Variants in ALMS1 observed in about 807,000 individuals in gnomAD.
ALMS1 encodes the protein centrosome-associated protein ALMS1.
ALMS1 carries 271 observed loss-of-function variants against 352.2 expected under a neutral mutation model. That is an observed-to-expected ratio of 0.77 (90% confidence interval 0.70 to 0.85). The LOEUF (loss-of-function observed/expected upper bound fraction) is 0.85, where lower values mean the gene tolerates loss of function less well. Ranked by LOEUF, ALMS1 falls within the 40% of genes least tolerant of loss-of-function variation. The pLI is 0.00. For synonymous variants in ALMS1, 1,865 were observed against 1,761.2 expected, an observed-to-expected ratio of 1.06 and a Z score of -1.48; for missense variants, 5,445 against 4,870.7, an observed-to-expected ratio of 1.12 and a Z score of -3.51.
rs1367036434 is a variant in ALMS1, at chr2:73,442,586, A to G, written c.1433-5374A>G. Among the ~76,000 whole-genome samples, 3 of 152,200 alleles carry G rather than the reference A, an allele frequency of 2.0e-5. No individual in the cohort carries two copies. The East Asian group carries it at 5.8e-4, about 29-fold the overall frequency. The stretch of plus-strand genomic sequence containing the variant: ...ATATACTTAACACTAATCTTGGCAT[A>G]TGATAAAGGCATGAAAGAGTCTCGA... On this transcript the variant is annotated intron_variant, in intron 7 of 22. Coordinates refer to ENST00000613296, the MANE Select transcript of ALMS1 (RefSeq NM_001378454.1).
At chr2:73,471,046 C>T (rs1191175915) in intron 9 of ALMS1, 1 of 151,750 alleles carries the variant, frequency 6.6e-6, no homozygotes, top group Non-Finnish European at 1.5e-5. Context: ...AAAATTAATT[C>T]AGCCACTATA....
intron 7 of ALMS1, among the ~76,000 whole-genome samples, chr2:73,438,628 T>C (rs1287630231): frequency 6.6e-6 from 1 of 152,178 alleles, no homozygotes; most frequent in Non-Finnish European, 1.5e-5. Flanking sequence ...ATTAAAATTA[T>C]GCCGTAAGAG....
In ALMS1 at chr2:73,558,975, C is replaced by G. The variant is rs1279080725; in HGVS notation, c.10217C>G (p.Ser3406Cys). The G allele has an allele frequency of 2.5e-6, 4 of 1,613,826 alleles. No homozygotes were observed. The highest frequency in any genetic ancestry group is 1.3e-5 in the African/African-American group (1 of 74,886). Residue 3406 changes from serine to cysteine, a missense_variant, in exon 15 of 23, where the codon TCC becomes TGC. Transcript: ENST00000613296. ...KESLQKDTADSSAAAAAEHSA... is the reference protein window; with the variant it reads ...KESLQKDTADCSAAAAAEHSA... ...TGTGTTAATTTCCCTTTCGTAGATT[C>G]CAGTGCTGCTGCTGCTGCAGAGCAC...
At chr2:73,530,477 G>C (rs1293712014) in intron 11 of ALMS1, among the ~76,000 whole-genome samples, 1 of 152,218 alleles carries the variant, frequency 6.6e-6, no homozygotes, top group Non-Finnish European at 1.5e-5. Flanking sequence ...CACCCCTGAG[G>C]TTTTGCAGGG....
chr2:73,545,217 G>C (rs967006120), intron 12 of ALMS1, among the ~76,000 whole-genome samples: 1 of 124,602 alleles, frequency 8.0e-6, no homozygotes, highest in Non-Finnish European at 1.7e-5. Context: ...GTCTTGCTTT[G>C]TTACCCAGGC....
chr2:73,516,379 A>G (rs1673555654), intron 10 of ALMS1, among the ~76,000 whole-genome samples: 1 of 152,198 alleles, frequency 6.6e-6, no homozygotes, highest in African/African-American at 2.4e-5. Flanking sequence ...ACTGGGGAAA[A>G]CTGTGGAGAT....
At chr2:73,442,976 T>C (rs1671746501) in intron 7 of ALMS1, among the ~76,000 whole-genome samples, 2 of 152,212 alleles carry the variant, frequency 1.3e-5, no homozygotes, top group African/African-American at 2.4e-5. Context: ...TGTCTACTTA[T>C]TAGCCAAGCT....
intron 1 of ALMS1, among the ~76,000 whole-genome samples, chr2:73,399,697 A>G (rs1381555963): frequency 1.3e-5 from 2 of 152,080 alleles, no homozygotes; most frequent in Admixed American, 1.3e-4. Flanking sequence ...TCCAAATCAT[A>G]TCAGAGAGGG....
At chr2:73,508,195 T>TTTC (rs762539052) in intron 10 of ALMS1, among the ~76,000 whole-genome samples, 12 of 145,966 alleles carry the variant, frequency 8.2e-5, no homozygotes, top group African/African-American at 2.9e-4. Context: ...CCTGCCCTCC[T>TTTC]TTCTTCTTCT....
At chr2:73,534,275 A>C (rs930945033) in intron 11 of ALMS1, among the ~76,000 whole-genome samples, 6 of 152,144 alleles carry the variant, frequency 3.9e-5, no homozygotes, top group African/African-American at 1.4e-4. Flanking sequence ...TTTTCTTAAT[A>C]TTGAAAATTC....
intron 16 of ALMS1, among the ~76,000 whole-genome samples, chr2:73,587,293 G>C (rs1040105792): frequency 6.6e-6 from 1 of 152,088 alleles, no homozygotes; most frequent in African/African-American, 2.4e-5. Context: ...GATTGCTTTA[G>C]CTAGGACTTC....
At chr2:73,404,011 T>A (rs964159959) in intron 1 of ALMS1, among the ~76,000 whole-genome samples, 3 of 152,176 alleles carry the variant, frequency 2.0e-5, no homozygotes, top group Non-Finnish European at 4.4e-5. Context: ...GTGATTCTCC[T>A]GCCTCAGCTT....
chr2:73,408,684 A>G lies in ALMS1; in HGVS notation c.387A>G (p.Gln129=), dbSNP rs746391155. 8.1e-6 allele frequency: 13 copies of G among 1,613,614 alleles called. No individual in the cohort carries two copies. Among genetic ancestry groups the G allele is most frequent in the Non-Finnish European group, 1.0e-5 (12 of 1,179,818 alleles). ...QIVYQGNSRT[Q]ISDTNVVCLE... The stretch of plus-strand genomic sequence containing the variant: ...TATATCAAGGCAATAGTAGAACACA[A>G]ATTTCTGATACTAATGTGGTCTGTT... The change falls in exon 2 of 23, where the codon CAA becomes CAG. Residue 129 remains glutamine (Q), a synonymous_variant. Coordinates refer to ENST00000613296, the MANE Select transcript of ALMS1 (RefSeq NM_001378454.1).
intron 10 of ALMS1, among the ~76,000 whole-genome samples, chr2:73,503,047 A>G (rs7607014): frequency 0.32 from 48,065 of 152,016 alleles, 9,134 homozygotes; most frequent in African/African-American, 0.53. Flanking sequence ...CTAGTGCATT[A>G]CAGACATTAT....
At position 73,448,594 on chromosome 2, in the gene ALMS1, T is replaced by C. The variant is rs2103773444; in HGVS notation, c.2067T>C (p.Thr689=). 1 of 1,613,898 alleles carries C rather than the reference T, an allele frequency of 6.2e-7. No homozygotes were observed. The highest frequency in any genetic ancestry group is 1.7e-5 in the Admixed American group (1 of 59,982). The change falls in exon 8 of 23, where the codon ACT becomes ACC. Residue 689 remains threonine (T), a synonymous_variant. Transcript: ENST00000613296. ...YRQTLPDGHL[T]DQALKVSAVS... is the part of the protein sequence containing the mutation. The stretch of plus-strand genomic sequence containing the variant: ...AGACCTTGCCAGATGGTCATCTAAC[T>C]GATCAGGCTCTGAAAGTCTCAGCTG...
chr2:73,599,375 T>C (rs774332923), intron 16 of ALMS1, 26 bp from the exon 17 acceptor site: 18 of 1,610,580 alleles, frequency 1.1e-5, no homozygotes, highest in Non-Finnish European at 1.4e-5. Flanking sequence ...CAGGTAATAA[T>C]AACAAGATCT....
chr2:73,601,634 T>C (rs1259505982), intron 19 of ALMS1, among the ~76,000 whole-genome samples, 198 bp downstream of exon 19: 1 of 152,156 alleles, frequency 6.6e-6, no homozygotes, highest in Admixed American at 6.5e-5. Flanking sequence ...CTCCTAACCA[T>C]AGATGGTGCA....
chr2:73,515,357 T>C (rs951698976), intron 10 of ALMS1, among the ~76,000 whole-genome samples: 9 of 152,294 alleles, frequency 5.9e-5, no homozygotes, highest in African/African-American at 2.2e-4. Context: ...TGAAGTCTTT[T>C]TGTGCTAACT....
At chr2:73,493,581 G>A (rs891794139) in intron 10 of ALMS1, among the ~76,000 whole-genome samples, 7 of 151,832 alleles carry the variant, frequency 4.6e-5, no homozygotes, top group Non-Finnish European at 1.5e-5. Flanking sequence ...AATTAGCTGG[G>A]CATGGTGGCA....
Sources: allele counts gnomAD v4.1 joint callset (sites outside exome capture counted in the v4.1 genomes callset), GRCh38; gene constraint gnomAD v4.1.1; transcripts MANE v1.5; gene names NCBI Gene and HGNC (gene_info 2026-07-23, HGNC 2026-07-21).